Variants in GAS2 observed in about 807,000 individuals in gnomAD.
GAS2 encodes the protein growth arrest specific 2.
GAS2 carries 20 observed loss-of-function variants against 37.5 expected under a neutral mutation model. The ratio of observed to expected loss-of-function variants is 0.53; its 90% CI spans 0.37 to 0.77. GAS2 has a LOEUF of 0.77. Among genes scored for constraint, GAS2 ranks in the 30% least tolerant of loss-of-function variants. The probability of loss-of-function intolerance (pLI) is 0.00; values close to 1 mark genes in which losing one functional copy is unlikely to be tolerated. For missense variants in GAS2, 336 were observed against 373.4 expected, an observed-to-expected ratio of 0.90 and a Z score of 0.82; for synonymous variants, 144 against 132.2, an observed-to-expected ratio of 1.09 and a Z score of -0.61.
chr11:22,682,879 A>AAC (rs1254059918), intron 2 of GAS2, among the ~76,000 whole-genome samples: 1 of 120,378 alleles, frequency 8.3e-6, no homozygotes, highest in Non-Finnish European at 1.6e-5. Context: ...TAAAAAAAAA[A>AAC]AAAAAAAGGA....
At chr11:22,685,479 T>A (rs1432343897) in intron 2 of GAS2, among the ~76,000 whole-genome samples, 189 bp from the exon 3 acceptor site, 2 of 152,226 alleles carry the variant, frequency 1.3e-5, no homozygotes, top group Non-Finnish European at 2.9e-5. Context: ...AAATATTAAA[T>A]GTTGAGATTC....
chr11:22,754,030 C>T (rs189288430), intron 6 of GAS2, among the ~76,000 whole-genome samples: 1 of 152,018 alleles, frequency 6.6e-6, no homozygotes, highest in Non-Finnish European at 1.5e-5. Context: ...GAACAGAAAT[C>T]TATTAGTGTT....
chr11:22,628,930 C>A (rs1306950341), intron 1 of GAS2, among the ~76,000 whole-genome samples: 2 of 152,138 alleles, frequency 1.3e-5, no homozygotes, highest in Non-Finnish European at 2.9e-5. Flanking sequence ...ATAATGGCCT[C>A]CAGTTCCACC....
At chr11:22,627,425 G>C (rs1031894336) in intron 1 of GAS2, among the ~76,000 whole-genome samples, 1 of 152,184 alleles carries the variant, frequency 6.6e-6, no homozygotes, top group Admixed American at 6.5e-5. Context: ...GGATGAAATT[G>C]AGTGGGGTCA....
chr11:22,806,104 A>G (rs926564160), intron 7 of GAS2, among the ~76,000 whole-genome samples: 3 of 152,158 alleles, frequency 2.0e-5, no homozygotes, highest in African/African-American at 7.2e-5. Flanking sequence ...CCATCTGGGA[A>G]TGCAGCCCAG....
chr11:22,787,132 A>G (rs532724619), intron 7 of GAS2, among the ~76,000 whole-genome samples: 2 of 152,266 alleles, frequency 1.3e-5, no homozygotes, highest in Admixed American at 6.5e-5. Context: ...ATTTGGTGAG[A>G]GAGAATAGAT....
chr11:22,713,076 A>G (rs903902318), intron 3 of GAS2, among the ~76,000 whole-genome samples: 15 of 151,174 alleles, frequency 9.9e-5, no homozygotes, highest in South Asian at 4.2e-4. Flanking sequence ...AAAAAAAAAA[A>G]AAAAGAAAAG....
rs776091585 is a variant in GAS2 at position 22,748,100 on chromosome 11, TA to T, written c.474-1014del. 1.1e-4 allele frequency among the ~76,000 whole-genome samples: 16 copies of T among 152,194 alleles called. No homozygotes were observed. The South Asian group carries it at 1.9e-3, about 18-fold the overall frequency. On this transcript the variant is annotated intron_variant, in intron 5 of 7. Coordinates refer to ENST00000454584, the MANE Select transcript of GAS2 (RefSeq NM_001143830.3). The stretch of plus-strand genomic sequence containing the variant: ...ACTTTGTATATTTTTTAAAAATAGA[TA>T]AAAAAGTAGATAATAGTAGATTAAA...
chr11:22,647,253 C>A (rs1366278718), intron 1 of GAS2, among the ~76,000 whole-genome samples: 3 of 151,584 alleles, frequency 2.0e-5, no homozygotes, highest in Non-Finnish European at 4.4e-5. Flanking sequence ...GACATGAACT[C>A]ATCATTTTTT....
chr11:22,688,477 G>A (rs1850077516), intron 3 of GAS2: 1 of 152,062 alleles, frequency 6.6e-6, no homozygotes, highest in South Asian at 2.1e-4. Flanking sequence ...TTTAGCATGA[G>A]AGCTGCTATG....
intron 2 of GAS2, among the ~76,000 whole-genome samples, chr11:22,675,571 A>G (rs1849388962): frequency 1.3e-5 from 2 of 152,142 alleles, no homozygotes; most frequent in Admixed American, 1.3e-4. Context: ...TGCTGACCTC[A>G]TGCTACCTCC....
chr11:22,803,497 T>C (rs1196057678), intron 7 of GAS2, among the ~76,000 whole-genome samples: 2 of 152,098 alleles, frequency 1.3e-5, no homozygotes, highest in African/African-American at 4.8e-5. Flanking sequence ...AAAACCAAAA[T>C]CTAGCACTTT....
chr11:22,644,618 TTTTG>T (rs1470747414), intron 1 of GAS2, among the ~76,000 whole-genome samples: 8 of 152,172 alleles, frequency 5.3e-5, no homozygotes, highest in African/African-American at 1.9e-4. Context: ...TACTCGTTGA[TTTTG>T]TTTGTTTTTC....
intron 7 of GAS2, among the ~76,000 whole-genome samples, chr11:22,795,991 A>T (rs1179927180): frequency 6.6e-6 from 1 of 152,150 alleles, no homozygotes; most frequent in African/African-American, 2.4e-5. Context: ...ATACACATAG[A>T]GATGGTAATA....
chr11:22,627,475 C>T (rs1858678633), intron 1 of GAS2, among the ~76,000 whole-genome samples: 1 of 152,154 alleles, frequency 6.6e-6, no homozygotes, highest in Non-Finnish European at 1.5e-5. Flanking sequence ...TAATTACTGA[C>T]TTTTCAGGCC....
chr11:22,708,044 T>A (rs1284908271), intron 3 of GAS2, among the ~76,000 whole-genome samples: 1 of 151,698 alleles, frequency 6.6e-6, no homozygotes, highest in Non-Finnish European at 1.5e-5. Flanking sequence ...TCAGGGTAAT[T>A]GAAGAGATAT....
At chr11:22,719,582 A>C (rs558383694) in intron 3 of GAS2, among the ~76,000 whole-genome samples, 1 of 152,230 alleles carries the variant, frequency 6.6e-6, no homozygotes, top group East Asian at 1.9e-4. Context: ...AATTACATAC[A>C]GAATAGTTTC....
chr11:22,755,529 T>C (rs1853980865), intron 6 of GAS2: 1 of 189,242 alleles, frequency 5.3e-6, no homozygotes, highest in African/African-American at 2.3e-5. Context: ...ATGGTCTTTT[T>C]AGTCCTCCAA....
In GAS2 at chr11:22,639,917, G is replaced by A. The variant is rs72976250; in HGVS notation, c.-21+14104G>A. Among the ~76,000 whole-genome samples the A allele has an allele frequency of 6.9e-3, 1,045 of 152,258 alleles. 5 individuals are homozygous for A. Among genetic ancestry groups the A allele is most frequent in the Non-Finnish European group, 0.011 (764 of 68,016 alleles). ...TATGAATGAGGTCTGGGAAGTGAGT[G>A]TCATTACTGAGATGGAAAGAGGTCT... On this transcript the variant is annotated intron_variant, in intron 1 of 5. Coordinates refer to the GAS2 transcript ENST00000528582.
Sources: gnomAD v4.1 joint callset for allele counts (sites outside exome capture counted in the v4.1 genomes callset) on GRCh38, gnomAD v4.1.1 for gene constraint, MANE v1.5 for transcripts, NCBI Gene and HGNC (gene_info 2026-07-23, HGNC 2026-07-21) for gene names.